FREM2: variants seen among roughly 807,000 people sequenced by gnomAD.
The protein encoded by FREM2 is FRAS1 related extracellular matrix 2, also known as FRAS1-related extracellular matrix protein 2.
FREM2 carries 119 observed loss-of-function variants against 219.9 expected under a neutral mutation model. That is an observed-to-expected ratio of 0.54 (90% CI 0.47 to 0.63). FREM2 has a LOEUF of 0.63. Ranked by LOEUF, FREM2 falls within the 30% of genes least tolerant of loss-of-function variation. FREM2 has a pLI of 0.00. For synonymous variants in FREM2, 1,562 were observed against 1,522.8 expected, an observed-to-expected ratio of 1.03 and a Z score of -0.60; for missense variants, 4,030 against 3,993.6, an observed-to-expected ratio of 1.01 and a Z score of -0.25.
intron 1 of FREM2, among the ~76,000 whole-genome samples, chr13:38,695,825 C>T (rs368996041): frequency 7.2e-5 from 11 of 152,212 alleles, no homozygotes; most frequent in African/African-American, 2.6e-4. Flanking sequence ...GTGTGATCTA[C>T]CTACTCAGCC....
intron 9 of FREM2, among the ~76,000 whole-genome samples, chr13:38,850,612 G>A (rs1877334375): frequency 6.6e-6 from 1 of 152,202 alleles, no homozygotes; most frequent in African/African-American, 2.4e-5. Flanking sequence ...ACCAGGGCAA[G>A]GCTGCTAATC....
At chr13:38,818,180 G>T (rs1021461132) in intron 6 of FREM2, among the ~76,000 whole-genome samples, 1 of 152,110 alleles carries the variant, frequency 6.6e-6, no homozygotes, top group African/African-American at 2.4e-5. Context: ...TCCCACAGTT[G>T]AGTATTTACT....
At chr13:38,858,666 T>C (rs1441347543) in intron 13 of FREM2, among the ~76,000 whole-genome samples, 1 of 152,212 alleles carries the variant, frequency 6.6e-6, no homozygotes, top group African/African-American at 2.4e-5. Flanking sequence ...AAATCACTTA[T>C]ACAATACATG....
At chr13:38,847,234 C>T (rs947670029) in intron 7 of FREM2, among the ~76,000 whole-genome samples, 2 of 152,078 alleles carry the variant, frequency 1.3e-5, no homozygotes, top group Non-Finnish European at 2.9e-5. Flanking sequence ...CATTTTATTC[C>T]GGGATCCACA....
intron 4 of FREM2, among the ~76,000 whole-genome samples, chr13:38,780,899 C>T (rs1270537148): frequency 1.3e-5 from 2 of 152,214 alleles, no homozygotes; most frequent in African/African-American, 4.8e-5. Context: ...CTTTTTTCCA[C>T]TATTAGGCAT....
chr13:38,760,374 T>G (rs2137805016), intron 2 of FREM2, among the ~76,000 whole-genome samples: 1 of 152,334 alleles, frequency 6.6e-6, no homozygotes, highest in Non-Finnish European at 1.5e-5. Context: ...ACCTGGCAAC[T>G]TCGTCCTTTC....
intron 6 of FREM2, among the ~76,000 whole-genome samples, chr13:38,823,576 T>G (rs1876154726): frequency 6.6e-6 from 1 of 152,030 alleles, no homozygotes; most frequent in Admixed American, 6.6e-5. Flanking sequence ...TTAGTTTCTA[T>G]TTCTGCTTCT....
chr13:38,754,549 T>G (rs961742843), intron 2 of FREM2, among the ~76,000 whole-genome samples: 1 of 152,160 alleles, frequency 6.6e-6, no homozygotes, highest in African/African-American at 2.4e-5. Flanking sequence ...GTGGGTAGTT[T>G]AATCTGACAC....
In FREM2 at chr13:38,799,971, A is replaced by G. The variant is rs118010635; in HGVS notation, c.6019+15163A>G. On this transcript the variant is annotated intron_variant, in intron 6 of 23. Coordinates refer to ENST00000280481, the MANE Select transcript of FREM2 (RefSeq NM_207361.6). Reference sequence around the variant, plus strand: ...GGAGAATTTAATCAATTTTCTTCCAAAATTATGATTGATATATGCGACTTT... The same window carrying G: ...GGAGAATTTAATCAATTTTCTTCCAGAATTATGATTGATATATGCGACTTT... Among the ~76,000 whole-genome samples the G allele has an allele frequency of 2.7e-3, 414 of 152,258 alleles. 8 individuals carry two copies. The East Asian group carries it at 0.056, about 21-fold the overall frequency.
chr13:38,872,672 G>A, intron 16 of FREM2, 70 bp from the exon 17 acceptor site: 2 of 1,288,814 alleles, frequency 1.6e-6, no homozygotes, highest in South Asian at 2.4e-5. Context: ...AAGAGAAAAT[G>A]GCTTGTACAA....
chr13:38,753,815 A>G (rs1477542707), intron 2 of FREM2, among the ~76,000 whole-genome samples: 1 of 152,294 alleles, frequency 6.6e-6, no homozygotes, highest in East Asian at 1.9e-4. Flanking sequence ...TAAGCTCCCA[A>G]TTAGGAAAGT....
At chr13:38,728,730 G>C (rs1430783190) in intron 2 of FREM2, among the ~76,000 whole-genome samples, 1 of 152,052 alleles carries the variant, frequency 6.6e-6, no homozygotes, top group African/African-American at 2.4e-5. Context: ...TTATTTTTAT[G>C]AATATATTCT....
chr13:38,724,694 C>T (rs1871441128), intron 2 of FREM2, among the ~76,000 whole-genome samples: 1 of 152,084 alleles, frequency 6.6e-6, no homozygotes, highest in Non-Finnish European at 1.5e-5. Flanking sequence ...ATTATGAGAA[C>T]CTGGGGCCTT....
intron 3 of FREM2, among the ~76,000 whole-genome samples, chr13:38,768,913 G>A (rs937090246): frequency 3.3e-5 from 5 of 152,138 alleles, no homozygotes; most frequent in African/African-American, 9.7e-5. Context: ...AGTAAGCCAA[G>A]CATACTGCTC....
intron 2 of FREM2, among the ~76,000 whole-genome samples, chr13:38,738,218 CAT>C (rs1393454155): frequency 2.0e-5 from 3 of 151,982 alleles, no homozygotes; most frequent in Non-Finnish European, 4.4e-5. Flanking sequence ...CAGCTTTGGA[CAT>C]ATGAAAATTT....
At chr13:38,720,548 A>G (rs1871183900) in intron 2 of FREM2, among the ~76,000 whole-genome samples, 1 of 152,206 alleles carries the variant, frequency 6.6e-6, no homozygotes, top group Non-Finnish European at 1.5e-5. Context: ...CCTAGCAGGA[A>G]TCACACACCC....
Position 38,864,359 on chromosome 13 carries a change from A to G in FREM2, c.7736A>G (p.Lys2579Arg). ...SPDGTRVGNH[K>R]CSNLLDYTEV... Reference sequence around the variant, plus strand: ...GATGGCACAAGAGTTGGAAACCACAAGTGCTCCAACCTCCTGGATTATACT... The same window carrying G: ...GATGGCACAAGAGTTGGAAACCACAGGTGCTCCAACCTCCTGGATTATACT... Residue 2579 changes from lysine to arginine, a missense_variant, in exon 16 of 24, where the codon AAG becomes AGG. Coordinates refer to ENST00000280481, the MANE Select transcript of FREM2 (RefSeq NM_207361.6). The G allele has an allele frequency of 1.9e-6, 3 of 1,614,148 alleles. No individual in the cohort carries two copies. Among genetic ancestry groups the G allele is most frequent in the Non-Finnish European group, 2.5e-6 (3 of 1,179,950 alleles).
intron 6 of FREM2, among the ~76,000 whole-genome samples, chr13:38,811,071 T>G (rs1268768158): frequency 2.6e-5 from 4 of 152,046 alleles, no homozygotes. Context: ...GAATAATTTA[T>G]CCATTTCTTC....
chr13:38,809,458 A>T (rs908120637), intron 6 of FREM2, among the ~76,000 whole-genome samples: 3 of 151,996 alleles, frequency 2.0e-5, no homozygotes, highest in Non-Finnish European at 4.4e-5. Context: ...TTATAGTTTG[A>T]GGTCTTAAAT....
Sources: allele counts gnomAD v4.1 joint callset (sites outside exome capture counted in the v4.1 genomes callset), GRCh38; gene constraint gnomAD v4.1.1; transcripts MANE v1.5; gene names NCBI Gene and HGNC (gene_info 2026-07-23, HGNC 2026-07-21).